MCTP1: variants seen among roughly 807,000 people sequenced by gnomAD.
MCTP1 encodes the protein multiple C2 and transmembrane domain containing 1, also known as multiple C2 and transmembrane domain-containing protein 1.
A neutral mutation model predicts 120.6 loss-of-function variants in MCTP1; 69 were observed. The observed-to-expected ratio is 0.57, with a 90% CI of 0.47 to 0.70. The LOEUF (loss-of-function observed/expected upper bound fraction) is 0.70, where lower values mean the gene tolerates loss of function less well. MCTP1 is among the 30% of genes least tolerant of loss of function. The pLI, the probability that MCTP1 is intolerant of heterozygous loss-of-function variation, is 0.00. For synonymous variants in MCTP1, 529 were observed against 493.1 expected, an observed-to-expected ratio of 1.07 and a Z score of -0.96; for missense variants, 1,203 against 1,248.8, an observed-to-expected ratio of 0.96 and a Z score of 0.55.
intron 1 of MCTP1, among the ~76,000 whole-genome samples, chr5:95,105,451 C>T (rs1334381503): frequency 2.0e-5 from 3 of 152,082 alleles, no homozygotes; most frequent in Middle Eastern, 3.2e-3. Context: ...GGGGAAATTC[C>T]AGTACTAGAA....
At chr5:95,013,681 T>G (rs1006055537) in intron 2 of MCTP1, among the ~76,000 whole-genome samples, 4 of 152,094 alleles carry the variant, frequency 2.6e-5, no homozygotes, top group African/African-American at 9.7e-5. Context: ...GACTTATGGC[T>G]CAGAAGAAAA....
At chr5:95,212,687 T>C (rs1346116999) in intron 1 of MCTP1, among the ~76,000 whole-genome samples, 1 of 148,824 alleles carries the variant, frequency 6.7e-6, no homozygotes, top group Non-Finnish European at 1.5e-5. Flanking sequence ...GCTTCATCCC[T>C]GGGATGCAAG....
rs894736873 is a variant in MCTP1 at position 94,918,866 on chromosome 5, G to A, written c.1273-893C>T. On this transcript the variant is annotated intron_variant, in intron 7 of 22. Coordinates refer to ENST00000515393, the MANE Select transcript of MCTP1 (RefSeq NM_024717.7). ...TTTCATGACAGGAATCTTATTTTAA[G>A]GTAAATAAACTGAGGCATAGAGAAG... Among the ~76,000 whole-genome samples the A allele has an allele frequency of 3.3e-5, 5 of 152,222 alleles. No homozygotes were observed. In the South Asian group the frequency reaches 1.0e-3, roughly 32 times the overall value.
chr5:95,196,822 T>G (rs527603847), intron 1 of MCTP1, among the ~76,000 whole-genome samples: 65 of 152,304 alleles, frequency 4.3e-4, no homozygotes, highest in Admixed American at 1.3e-3. Context: ...TAGAATCACC[T>G]ATAAGGAAGA....
chr5:95,115,322 T>A (rs1405276866), intron 1 of MCTP1, among the ~76,000 whole-genome samples: 2 of 152,090 alleles, frequency 1.3e-5, no homozygotes, highest in African/African-American at 4.8e-5. Flanking sequence ...CAGAGAGATA[T>A]GACCTTTCAG....
chr5:95,094,243 C>T (rs2152347821), intron 1 of MCTP1, among the ~76,000 whole-genome samples: 1 of 152,262 alleles, frequency 6.6e-6, no homozygotes. Context: ...CTCCTCATTC[C>T]CTCTGAATTT....
intron 17 of MCTP1, among the ~76,000 whole-genome samples, chr5:94,844,301 CAAAAAAAAAA>C (rs59169145): frequency 2.5e-5 from 2 of 79,712 alleles, no homozygotes; most frequent in Non-Finnish European, 4.5e-5. Context: ...GACTCTGTCT[CAAAAAAAAAA>C]AAAAAAAAAA....
intron 1 of MCTP1, among the ~76,000 whole-genome samples, chr5:95,081,262 C>A (rs1255987589): frequency 6.6e-6 from 1 of 152,112 alleles, no homozygotes; most frequent in Admixed American, 6.6e-5. Context: ...ATGTATCTCA[C>A]AAGTAGGTTA....
In MCTP1 at chr5:94,954,083, TATATATGTGCATATATATAC is replaced by T. The variant is rs1315853010; in HGVS notation, c.839-742_839-723del. Reference sequence around the variant, plus strand: ...AAATATATATGCATATATATACAAATATATATGTGCATATATATACATATATATGAATATATATACAAATA... The same window carrying T: ...AAATATATATGCATATATATACAAATATATATATGAATATATATACAAATA... On this transcript the variant is annotated intron_variant, in intron 2 of 22. Coordinates refer to ENST00000515393, the MANE Select transcript of MCTP1 (RefSeq NM_024717.7). Among the ~76,000 whole-genome samples the T allele has an allele frequency of 2.0e-3, 203 of 101,384 alleles. 79 individuals are homozygous for T. The highest frequency in any genetic ancestry group is 8.3e-3 in the African/African-American group (197 of 23,826). The allele number at this position is 101,384 out of a possible 152,430, so 66.5% of individuals were successfully genotyped here. A position where few individuals can be genotyped will look rare whatever the true frequency, so the allele number is the denominator to read the frequency against.
intron 1 of MCTP1, among the ~76,000 whole-genome samples, chr5:95,278,277 A>T (rs1325332472): frequency 6.6e-6 from 1 of 152,174 alleles, no homozygotes; most frequent in Non-Finnish European, 1.5e-5. Flanking sequence ...GATGTAGAAA[A>T]AGGCTGTATC....
At position 94,954,183 on chromosome 5, in the gene MCTP1, C is replaced by CATATATATATATATATATAT. The variant is rs67189314; in HGVS notation, c.839-842_839-823dup. On this transcript the variant is annotated intron_variant, in intron 2 of 22. Coordinates refer to ENST00000515393, the MANE Select transcript of MCTP1 (RefSeq NM_024717.7). ...GCATATATATACATATATATATATG[C>CATATATATATATATATATAT]ATATATATATATATATATATATGCC... is the stretch of plus-strand genomic sequence containing the variant. Among the ~76,000 whole-genome samples the CATATATATATATATATATAT allele has an allele frequency of 2.1e-4, 12 of 57,768 alleles. 1 individual carries two copies. The highest frequency in any genetic ancestry group is 0.011 in the Middle Eastern group (1 of 94). 37.9% of individuals were successfully genotyped at this position (57,768 alleles called of 152,430 possible).
At chr5:94,709,252 AT>A (rs1755868741) in intron 21 of MCTP1, 2 of 152,148 alleles carry the variant, frequency 1.3e-5, no homozygotes, top group African/African-American at 4.8e-5. Flanking sequence ...TGGAATCTTG[AT>A]TTTGGTCCAT....
intron 1 of MCTP1, among the ~76,000 whole-genome samples, chr5:95,235,629 T>C (rs1449935993): frequency 6.6e-6 from 1 of 152,126 alleles, no homozygotes; most frequent in Non-Finnish European, 1.5e-5. Context: ...TTTTAAAAAG[T>C]GTATTGTGCA....
At chr5:95,236,756 T>A (rs770269266) in intron 1 of MCTP1, among the ~76,000 whole-genome samples, 13 of 152,090 alleles carry the variant, frequency 8.5e-5, no homozygotes, top group Non-Finnish European at 1.5e-4. Flanking sequence ...AAAATGCACA[T>A]AACACATCCA....
At chr5:95,150,721 C>T (rs1164181632) in intron 1 of MCTP1, among the ~76,000 whole-genome samples, 1 of 152,074 alleles carries the variant, frequency 6.6e-6, no homozygotes, top group Non-Finnish European at 1.5e-5. Flanking sequence ...ATTTCCATTT[C>T]TAATGTCTAA....
intron 12 of MCTP1, among the ~76,000 whole-genome samples, chr5:94,886,809 A>C (rs1425828851): frequency 6.6e-6 from 1 of 152,214 alleles, no homozygotes; most frequent in African/African-American, 2.4e-5. Flanking sequence ...GAAAGCAGAC[A>C]AAGAACTTAC....
intron 1 of MCTP1, among the ~76,000 whole-genome samples, chr5:95,209,003 T>C (rs1752009445): frequency 2.0e-5 from 3 of 152,160 alleles, no homozygotes; most frequent in Admixed American, 2.0e-4. Flanking sequence ...CACATATCTG[T>C]TTCCTTCAAA....
At chr5:95,196,952 A>C (rs530950782) in intron 1 of MCTP1, among the ~76,000 whole-genome samples, 20 of 152,316 alleles carry the variant, frequency 1.3e-4, no homozygotes, top group Middle Eastern at 3.4e-3. Context: ...TTTTAAAAAA[A>C]TTAAGAGTAT....
At chr5:94,764,795 C>A (rs1772168127) in intron 19 of MCTP1, among the ~76,000 whole-genome samples, 1 of 145,166 alleles carries the variant, frequency 6.9e-6, no homozygotes, top group Non-Finnish European at 1.5e-5. Flanking sequence ...GACTTCAATA[C>A]CCTACTGTCA....
Sources: allele counts gnomAD v4.1 joint callset (sites outside exome capture counted in the v4.1 genomes callset), GRCh38; gene constraint gnomAD v4.1.1; transcripts MANE v1.5; gene names NCBI Gene and HGNC (gene_info 2026-07-23, HGNC 2026-07-21).